Variants in SDK1 observed in about 807,000 individuals in gnomAD.
SDK1 encodes the protein sidekick cell adhesion molecule 1, also known as protein sidekick-1.
In SDK1, 157 loss-of-function variants were observed where a neutral mutation model predicts 245.5. That is an observed-to-expected ratio of 0.64 (90% confidence interval 0.56 to 0.73). The LOEUF (loss-of-function observed/expected upper bound fraction) is 0.73, where lower values mean the gene tolerates loss of function less well. Ranked by LOEUF, SDK1 falls within the 30% of genes least tolerant of loss-of-function variation. The pLI is 0.00. For missense variants in SDK1, 3,583 were observed against 3,002.3 expected (o/e 1.19, Z -4.52); for synonymous variants, 1,647 against 1,278.5 (o/e 1.29, Z -6.15).
intron 35 of SDK1, among the ~76,000 whole-genome samples, chr7:4,190,101 A>C (rs926228164): frequency 1.3e-5 from 2 of 152,218 alleles, no homozygotes; most frequent in Non-Finnish European, 2.9e-5. Context: ...CCAGTTTGAA[A>C]ACATGTGTTT....
At chr7:3,828,653 T>C (rs1220699115) in intron 5 of SDK1, among the ~76,000 whole-genome samples, 128 of 21,990 alleles carry the variant, frequency 5.8e-3, no homozygotes, top group African/African-American at 0.023. Flanking sequence ...TTTGTTCTTT[T>C]TTTTTTTTTT....
chr7:3,479,857 A>G (rs1781457745), intron 1 of SDK1, among the ~76,000 whole-genome samples: 1 of 144,814 alleles, frequency 6.9e-6, no homozygotes, highest in Admixed American at 6.8e-5. Context: ...GCGAGAGTCC[A>G]TCTCAAAAAA....
chr7:3,450,491 A>T (rs1780478456), intron 1 of SDK1, among the ~76,000 whole-genome samples: 1 of 152,108 alleles, frequency 6.6e-6, no homozygotes, highest in Non-Finnish European at 1.5e-5. Flanking sequence ...AGCATTTGGG[A>T]TATAAAGGAA....
Position 4,268,367 on chromosome 7 carries a change from C to T in SDK1, c.*2983C>T. Reference sequence around the variant, plus strand: ...TGCCAGGCCACACCCCCTCGGCCTCCTGCACGGCCACCTTCTGGGTGAATC... The same window carrying T: ...TGCCAGGCCACACCCCCTCGGCCTCTTGCACGGCCACCTTCTGGGTGAATC... On this transcript the variant is annotated 3_prime_UTR_variant, in exon 45 of 45. Coordinates refer to ENST00000404826, the MANE Select transcript of SDK1 (RefSeq NM_152744.4). The T allele has an allele frequency of 9.4e-7, 1 of 1,058,710 alleles. No individual in the cohort carries two copies. Among genetic ancestry groups the T allele is most frequent in the Non-Finnish European group, 1.1e-6 (1 of 871,454 alleles). The allele number at this position is 1,058,710 out of a possible 1,614,324, so 65.6% of individuals were successfully genotyped here.
intron 1 of SDK1, among the ~76,000 whole-genome samples, chr7:3,319,690 C>G (rs1334174313): frequency 6.6e-6 from 1 of 151,990 alleles, no homozygotes; most frequent in African/African-American, 2.4e-5. Context: ...GCCTGCATGT[C>G]TCTGGTCTGT....
intron 22 of SDK1, among the ~76,000 whole-genome samples, chr7:4,091,351 T>TG (rs1379651261): frequency 3.0e-4 from 43 of 143,248 alleles, no homozygotes; most frequent in Middle Eastern, 7.1e-3. Context: ...TTTTTTTTTT[T>TG]TTTTTGTTTG....
chr7:3,675,109 T>A (rs574948954), intron 4 of SDK1, among the ~76,000 whole-genome samples: 1 of 152,178 alleles, frequency 6.6e-6, no homozygotes, highest in Non-Finnish European at 1.5e-5. Context: ...CTAACAGATA[T>A]CTCCAATGTT....
At chr7:3,903,289 G>T (rs1316883745) in intron 5 of SDK1, among the ~76,000 whole-genome samples, 1 of 151,876 alleles carries the variant, frequency 6.6e-6, no homozygotes, top group East Asian at 1.9e-4. Flanking sequence ...GACTACAGGT[G>T]CCCGCCACCA....
At chr7:3,692,467 T>C (rs1001126013) in intron 4 of SDK1, among the ~76,000 whole-genome samples, 11 of 152,206 alleles carry the variant, frequency 7.2e-5, no homozygotes, top group African/African-American at 2.2e-4. Context: ...GGATTTCTTA[T>C]ATTACATATT....
intron 1 of SDK1, among the ~76,000 whole-genome samples, chr7:3,557,427 G>T (rs1379446021): frequency 6.6e-6 from 1 of 152,216 alleles, no homozygotes; most frequent in Non-Finnish European, 1.5e-5. Flanking sequence ...TTAGGGAAAT[G>T]GAGAGAGGGT....
chr7:3,819,258 A>C (rs773943091), intron 4 of SDK1, among the ~76,000 whole-genome samples: 64 of 151,674 alleles, frequency 4.2e-4, no homozygotes, highest in Non-Finnish European at 7.2e-4. Context: ...ATTTTGGCTT[A>C]AACCTTTATA....
At position 4,039,166 on chromosome 7, in the gene SDK1, C is replaced by A. The variant is rs7807487; in HGVS notation, c.2603-10182C>A. On this transcript the variant is annotated intron_variant, in intron 17 of 44. Transcript: ENST00000404826. ...GGGGCCTGTTGTGGGGTGGGGGGAG[C>A]GGGGAGGGATAGCATTAGGAGATAT... Among the ~76,000 whole-genome samples, 6 of 141,724 alleles carry A rather than the reference C, an allele frequency of 4.2e-5. No individual in the cohort carries two copies. The East Asian group carries it at 1.2e-3, about 29-fold the overall frequency. The allele number at this position is 141,724 out of a possible 152,430, so 93.0% of individuals were successfully genotyped here.
intron 1 of SDK1, among the ~76,000 whole-genome samples, chr7:3,595,257 A>C (rs540494673): frequency 1.5e-4 from 23 of 152,068 alleles, no homozygotes; most frequent in Admixed American, 3.9e-4. Context: ...ATTCATTTAT[A>C]TACTTCTACC....
intron 5 of SDK1, among the ~76,000 whole-genome samples, chr7:3,825,604 C>G (rs968934813): frequency 3.3e-5 from 5 of 152,220 alleles, no homozygotes; most frequent in African/African-American, 1.2e-4. Context: ...CTCCTTCAGG[C>G]TGACAAACCC....
chr7:4,211,116 C>G (rs954609513), intron 38 of SDK1, among the ~76,000 whole-genome samples: 2 of 152,186 alleles, frequency 1.3e-5, no homozygotes, highest in Non-Finnish European at 2.9e-5. Flanking sequence ...GACCTGACCT[C>G]CCCAAGACCA....
intron 40 of SDK1, 163 bp from the exon 41 acceptor site, chr7:4,233,092 C>G (rs1431823019): frequency 1.6e-5 from 10 of 616,268 alleles, no homozygotes; most frequent in African/African-American, 9.2e-5. Flanking sequence ...CTTCGACTTG[C>G]GAAACTGAGA....
chr7:3,615,782 C>T (rs1242928366), intron 1 of SDK1, among the ~76,000 whole-genome samples: 4 of 151,604 alleles, frequency 2.6e-5, no homozygotes, highest in African/African-American at 9.7e-5. Context: ...TGGTGTCCTC[C>T]CACTATTCCA....
chr7:3,522,263 C>T (rs1562537674), intron 1 of SDK1, among the ~76,000 whole-genome samples: 1 of 152,044 alleles, frequency 6.6e-6, no homozygotes, highest in African/African-American at 2.4e-5. Flanking sequence ...TCCTTCAGGA[C>T]AGAGAGAACT....
rs1026214145 is a variant in SDK1, at chr7:4,173,238, A to G, written c.4801-984A>G. Among the ~76,000 whole-genome samples, 3 of 152,028 alleles carry G rather than the reference A, an allele frequency of 2.0e-5. No homozygotes were observed. The South Asian group carries it at 6.2e-4, about 31-fold the overall frequency. ...TTATCCCTCATCTGAGTATCCCAAGAAGAGACCAGATGCTCGGAGGCTCAG... is the reference window on the plus strand; with the variant it reads ...TTATCCCTCATCTGAGTATCCCAAGGAGAGACCAGATGCTCGGAGGCTCAG... On this transcript the variant is annotated intron_variant, in intron 32 of 44. Coordinates refer to ENST00000404826, the MANE Select transcript of SDK1 (RefSeq NM_152744.4).
Sources: gnomAD v4.1 joint callset for allele counts (sites outside exome capture counted in the v4.1 genomes callset) on GRCh38, gnomAD v4.1.1 for gene constraint, MANE v1.5 for transcripts, NCBI Gene and HGNC (gene_info 2026-07-23, HGNC 2026-07-21) for gene names.